AMOTL1: variants seen among roughly 807,000 people sequenced by gnomAD.
The protein encoded by AMOTL1 is angiomotin like 1, also known as angiomotin-like protein 1.
In AMOTL1, 45 loss-of-function variants were observed where a neutral mutation model predicts 102.9. The observed-to-expected ratio is 0.44, with a 90% CI of 0.34 to 0.56. The LOEUF is 0.56. Ranked by LOEUF, AMOTL1 falls within the 20% of genes least tolerant of loss-of-function variation. The pLI, the probability that AMOTL1 is intolerant of heterozygous loss-of-function variation, is 0.01. For missense variants in AMOTL1, 1,114 were observed against 1,225.6 expected (o/e 0.91, Z 1.36); for synonymous variants, 481 against 484.7 (o/e 0.99, Z 0.10).
rs755842546 is a variant in AMOTL1 at position 94,870,740 on chromosome 11, G to A, written c.2816G>A (p.Ser939Asn). 22 of 1,604,506 alleles carry A rather than the reference G, an allele frequency of 1.4e-5. No individual in the cohort carries two copies. In the African/African-American group the frequency reaches 2.5e-4, roughly 19 times the overall value. Residue 939 changes from serine (S) to asparagine (N), a missense_variant, in exon 13 of 13, where the codon AGC becomes AAC. Transcript: ENST00000433060. The stretch of plus-strand genomic sequence containing the variant: ...CCTGACCACAGAGGCCGGGTCAGCA[G>A]CTTGCTGCACAAGCCCGAGTTCCCT... ...KSPDHRGRVSSLLHKPEFPDG... is the reference protein window; with the variant it reads ...KSPDHRGRVSNLLHKPEFPDG...
At chr11:94,717,246 G>A (rs1423468854) in intron 1 of AMOTL1, among the ~76,000 whole-genome samples, 1 of 150,314 alleles carries the variant, frequency 6.7e-6, no homozygotes, top group Non-Finnish European at 1.5e-5. Context: ...GAGAGGGAGA[G>A]GTAAAAGTGA....
chr11:94,782,929 G>C (rs989272160), intron 1 of AMOTL1, among the ~76,000 whole-genome samples: 7 of 152,030 alleles, frequency 4.6e-5, no homozygotes, highest in African/African-American at 1.7e-4. Context: ...AAATATTTAT[G>C]TAACATATCA....
At chr11:94,854,620 A>G (rs1028860336) in intron 8 of AMOTL1, among the ~76,000 whole-genome samples, 8 of 152,212 alleles carry the variant, frequency 5.3e-5, no homozygotes, top group Non-Finnish European at 5.9e-5. Context: ...TTTAAGCTGG[A>G]GAGAAACATG....
At chr11:94,819,326 T>C (rs1951821747) in intron 3 of AMOTL1, among the ~76,000 whole-genome samples, 1 of 152,160 alleles carries the variant, frequency 6.6e-6, no homozygotes, top group East Asian at 1.9e-4. Flanking sequence ...AAAAGCCACA[T>C]ACCTGCCTCA....
intron 4 of AMOTL1, among the ~76,000 whole-genome samples, 152 bp from the exon 5 acceptor site, chr11:94,829,898 C>G (rs990709529): frequency 6.6e-6 from 1 of 152,118 alleles, no homozygotes; most frequent in African/African-American, 2.4e-5. Flanking sequence ...GGAGTGAAAT[C>G]GATTATACAG....
At chr11:94,769,124 T>C (rs1229344026) in intron 1 of AMOTL1, among the ~76,000 whole-genome samples, 1 of 152,172 alleles carries the variant, frequency 6.6e-6, no homozygotes, top group African/African-American at 2.4e-5. Context: ...CTGCTGCTCC[T>C]TCTTTGTTCT....
intron 1 of AMOTL1, among the ~76,000 whole-genome samples, chr11:94,710,050 A>G (rs1949998266): frequency 6.6e-6 from 1 of 152,180 alleles, no homozygotes; most frequent in Admixed American, 6.5e-5. Context: ...ACACTCACAC[A>G]TACACTCTTC....
intron 6 of AMOTL1, among the ~76,000 whole-genome samples, chr11:94,847,556 A>T (rs1952442818): frequency 6.6e-6 from 1 of 152,096 alleles, no homozygotes; most frequent in African/African-American, 2.4e-5. Flanking sequence ...TGTGATGTAG[A>T]TGTTACCATT....
At chr11:94,783,101 G>C (rs989416820) in intron 1 of AMOTL1, among the ~76,000 whole-genome samples, 7 of 152,186 alleles carry the variant, frequency 4.6e-5, no homozygotes, top group Non-Finnish European at 7.3e-5. Context: ...TTTGGGCACT[G>C]TTGCTACAGT....
At chr11:94,863,071 CACTA>C (rs906497036) in intron 9 of AMOTL1, among the ~76,000 whole-genome samples, 2 of 152,116 alleles carry the variant, frequency 1.3e-5, no homozygotes, top group Non-Finnish European at 2.9e-5. Context: ...TTTCACTATT[CACTA>C]ACTGAGTATT....
chr11:94,714,506 C>T (rs1049226521), intron 1 of AMOTL1, among the ~76,000 whole-genome samples: 3 of 151,938 alleles, frequency 2.0e-5, no homozygotes, highest in South Asian at 2.1e-4. Flanking sequence ...ATCATCTGGA[C>T]CTGGAAATTT....
chr11:94,794,439 G>A (rs1951331306), intron 1 of AMOTL1, among the ~76,000 whole-genome samples: 1 of 152,162 alleles, frequency 6.6e-6, no homozygotes, highest in East Asian at 1.9e-4. Flanking sequence ...GGAGCTGAAA[G>A]GCCAGTGCTT....
chr11:94,816,595 G>T (rs1041228164), intron 3 of AMOTL1, among the ~76,000 whole-genome samples: 1 of 151,996 alleles, frequency 6.6e-6, no homozygotes, highest in Non-Finnish European at 1.5e-5. Context: ...GGTTTGCTTA[G>T]AAAAAACTGA....
chr11:94,800,331 G>A lies in AMOTL1; in HGVS notation c.1121+20G>A, dbSNP rs181253821. The A allele has an allele frequency of 1.3e-5, 20 of 1,548,098 alleles. No homozygotes were observed. Among genetic ancestry groups the A allele is most frequent in the African/African-American group, 5.5e-5 (4 of 72,500 alleles). On this transcript the variant is annotated intron_variant, in intron 3 of 12. Coordinates refer to ENST00000433060, the MANE Select transcript of AMOTL1 (RefSeq NM_130847.3). ...AACGAGGTGATTATCAACTGCAGAC[G>A]TTTCGTGCGGCTTTTCAAAATTCAA...
intron 1 of AMOTL1, among the ~76,000 whole-genome samples, chr11:94,725,151 C>A (rs1214505995): frequency 1.3e-5 from 2 of 152,096 alleles, no homozygotes; most frequent in East Asian, 3.9e-4. Flanking sequence ...GGATTCATCC[C>A]AAGCTTGGGG....
intron 2 of AMOTL1, among the ~76,000 whole-genome samples, chr11:94,734,769 C>T (rs757485229): frequency 6.6e-6 from 1 of 152,142 alleles, no homozygotes; most frequent in African/African-American, 2.4e-5. Flanking sequence ...GATCAAAGGG[C>T]AATACCAGGA....
intron 1 of AMOTL1, among the ~76,000 whole-genome samples, chr11:94,721,829 T>A (rs1425512617): frequency 6.6e-6 from 1 of 152,168 alleles, no homozygotes; most frequent in South Asian, 2.1e-4. Flanking sequence ...CTCTTTCTAA[T>A]GGACAGTGCT....
intron 1 of AMOTL1, among the ~76,000 whole-genome samples, chr11:94,791,888 C>T (rs770335732): frequency 6.6e-6 from 1 of 152,132 alleles, no homozygotes; most frequent in Non-Finnish European, 1.5e-5. Context: ...TGCAGGAGTT[C>T]CCAGTGAAGA....
chr11:94,759,043 A>C (rs2135499174), intron 3 of AMOTL1, among the ~76,000 whole-genome samples: 1 of 152,344 alleles, frequency 6.6e-6, no homozygotes. Flanking sequence ...TTTTTTCTGA[A>C]GATCATATCA....
Sources: allele counts gnomAD v4.1 joint callset (sites outside exome capture counted in the v4.1 genomes callset), GRCh38; gene constraint gnomAD v4.1.1; transcripts MANE v1.5; gene names NCBI Gene and HGNC (gene_info 2026-07-23, HGNC 2026-07-21).